The following FOSL2 variants were observed in gnomAD, a reference collection of about 807,000 sequenced individuals.
The protein encoded by FOSL2 is FOS like 2, AP-1 transcription factor subunit.
Under a neutral mutation model 27.7 loss-of-function variants are expected in FOSL2, and 3 were observed. The ratio of observed to expected loss-of-function variants is 0.11; its 90% CI spans 0.05 to 0.28. FOSL2 has a LOEUF of 0.28. FOSL2 is among the 10% of genes least tolerant of loss of function. The pLI is 1.00. For synonymous variants in FOSL2, 179 were observed against 190.1 expected (o/e 0.94, Z 0.48); for missense variants, 333 against 445.1 (o/e 0.75, Z 2.27).
rs1244623568 is a variant in FOSL2 at position 28,412,684 on chromosome 2, T to G, written c.*236T>G. 6 of 541,674 alleles carry G rather than the reference T, an allele frequency of 1.1e-5. No homozygotes were observed. The highest frequency in any genetic ancestry group is 3.3e-6 in the Non-Finnish European group (1 of 303,516). The allele number at this position is 541,674 out of a possible 1,614,324, so 33.6% of individuals were successfully genotyped here. A position where few individuals can be genotyped will look rare whatever the true frequency, so the allele number is the denominator to read the frequency against. ...ATTCATCTTGCAAGCAAATCCCATT[T>G]CTTGAAAAGCCTTGGAGAACTCGGT... is the stretch of plus-strand genomic sequence containing the variant. On this transcript the variant is annotated 3_prime_UTR_variant, in exon 4 of 4. Coordinates refer to ENST00000264716, the MANE Select transcript of FOSL2 (RefSeq NM_005253.4). This position sits in a 1 kb window ranked among gnomAD's most constrained non-coding sequence, Gnocchi z 7.1.
intron 1 of FOSL2, among the ~76,000 whole-genome samples, chr2:28,403,471 A>G (rs1664015184): frequency 6.6e-6 from 1 of 152,180 alleles, no homozygotes; most frequent in Admixed American, 6.5e-5. Flanking sequence ...AGGAGGGACA[A>G]GGACAGCAAG....
chr2:28,395,149 C>T (rs1361692715), intron 1 of FOSL2, among the ~76,000 whole-genome samples: 3 of 152,168 alleles, frequency 2.0e-5, no homozygotes, highest in Non-Finnish European at 4.4e-5. Context: ...ATGCACCCTT[C>T]GTAATGAGCA....
Position 28,393,918 on chromosome 2 carries a change from G to A in FOSL2, c.102+96G>A. ...TTTGCTTTCTTTTCTTTTTCTTGGC[G>A]AGAAAATACCTACGGGCCACCGTTG... On this transcript the variant is annotated intron_variant, in intron 1 of 3. Coordinates refer to ENST00000264716, the MANE Select transcript of FOSL2 (RefSeq NM_005253.4). The surrounding 1 kb of genome is among the most constrained non-coding windows in gnomAD (Gnocchi z 4.6). The A allele has an allele frequency of 2.3e-6, 2 of 879,680 alleles. No homozygotes were observed. Among genetic ancestry groups the A allele is most frequent in the Non-Finnish European group, 3.5e-6 (2 of 573,316 alleles). 54.5% of individuals were successfully genotyped at this position (879,680 alleles called of 1,614,324 possible). A position where few individuals can be genotyped will look rare whatever the true frequency, so the allele number is the denominator to read the frequency against.
chr2:28,409,748 T>C (rs961042758), intron 3 of FOSL2, among the ~76,000 whole-genome samples: 1 of 152,192 alleles, frequency 6.6e-6, no homozygotes, highest in African/African-American at 2.4e-5. Context: ...TTTGTTATTA[T>C]AATTTTTTTG....
intron 3 of FOSL2, among the ~76,000 whole-genome samples, chr2:28,411,386 C>A (rs1664195160): frequency 6.6e-6 from 1 of 152,038 alleles, no homozygotes; most frequent in African/African-American, 2.4e-5. Context: ...GTGGGTAGAG[C>A]TGTGTTCCGT....
At position 28,416,133 on chromosome 2, in the gene FOSL2, T is replaced by C. The variant is rs1196301955; in HGVS notation, c.*3685T>C. 1 of 152,106 alleles carries C rather than the reference T, an allele frequency of 6.6e-6. No individual in the cohort carries two copies. The highest frequency in any genetic ancestry group is 6.5e-5 in the Admixed American group (1 of 15,270). The allele number at this position is 152,106 out of a possible 1,614,324, so 9.4% of individuals were successfully genotyped here. A position where few individuals can be genotyped will look rare whatever the true frequency, so the allele number is the denominator to read the frequency against. ...TTATTGACAGGTTGGGCTGTGTGTGTGCGCATGTGTGTATACATTTCCAGG... is the reference window on the plus strand; with the variant it reads ...TTATTGACAGGTTGGGCTGTGTGTGCGCGCATGTGTGTATACATTTCCAGG... On this transcript the variant is annotated 3_prime_UTR_variant, in exon 4 of 4. Transcript: ENST00000264716.
In FOSL2 at chr2:28,412,317, T is replaced by G; in HGVS notation, c.850T>G (p.Tyr284Asp). The change falls in exon 4 of 4, where the codon TAT becomes GAT. Residue 284 changes from tyrosine (Y) to aspartate (D), a missense_variant. By Grantham distance (160) the Tyr-to-Asp change is radical. Around this residue, in one of 4 missense-constraint regions of FOSL2, gnomAD observed 26 missense variants for 59.3 expected, o/e 0.44. Coordinates refer to ENST00000264716, the MANE Select transcript of FOSL2 (RefSeq NM_005253.4). The surrounding 1 kb of genome is among the most constrained non-coding windows in gnomAD (Gnocchi z 7.1). ...GGGCACCTCGAACCTCGTCTTCACC[T>G]ATCCTAGCGTCCTGGAGCAGGAGTC... is the stretch of plus-strand genomic sequence containing the variant. The part of the protein sequence containing the change: ...TPGTSNLVFT[Y>D]PSVLEQESPA... The G allele has an allele frequency of 6.2e-7, 1 of 1,613,968 alleles. No individual in the cohort carries two copies. The highest frequency in any genetic ancestry group is 8.5e-7 in the Non-Finnish European group (1 of 1,179,992).
chr2:28,393,835 C>G lies in FOSL2; in HGVS notation c.102+13C>G, dbSNP rs1265647498. ...CGGCGGCCAGCAGGTAGGTGCGGGCCCCGGTGCACCTGGCGGCGCGGGCGG... is the reference window on the plus strand; with the variant it reads ...CGGCGGCCAGCAGGTAGGTGCGGGCGCCGGTGCACCTGGCGGCGCGGGCGG... On this transcript the variant is annotated intron_variant, in intron 1 of 3. Coordinates refer to ENST00000264716, the MANE Select transcript of FOSL2 (RefSeq NM_005253.4). The surrounding 1 kb of genome is among the most constrained non-coding windows in gnomAD (Gnocchi z 4.6). 7 of 1,569,836 alleles carry G rather than the reference C, an allele frequency of 4.5e-6. No individual in the cohort carries two copies. Among genetic ancestry groups the G allele is most frequent in the Non-Finnish European group, 5.2e-6 (6 of 1,154,584 alleles).
chr2:28,399,761 A>G (rs1663933777), intron 1 of FOSL2, among the ~76,000 whole-genome samples: 1 of 152,142 alleles, frequency 6.6e-6, no homozygotes, highest in South Asian at 2.1e-4. Context: ...ATGGGAGATG[A>G]GAATGAACCT....
At chr2:28,407,765 C>T (rs996011759) in intron 2 of FOSL2, among the ~76,000 whole-genome samples, 9 of 152,242 alleles carry the variant, frequency 5.9e-5, no homozygotes, top group Admixed American at 1.3e-4. Flanking sequence ...CTTTGGCCCA[C>T]AGCCGTCTCC....
chr2:28,397,790 G>A (rs1663885812), intron 1 of FOSL2, among the ~76,000 whole-genome samples: 1 of 152,194 alleles, frequency 6.6e-6, no homozygotes, highest in Non-Finnish European at 1.5e-5. Flanking sequence ...GACTCAGAAA[G>A]GTTTTGCAGT....
At chr2:28,399,243 A>G (rs1289931796) in intron 1 of FOSL2, among the ~76,000 whole-genome samples, 2 of 152,166 alleles carry the variant, frequency 1.3e-5, no homozygotes. Flanking sequence ...CCTGACTTCC[A>G]TCTCACATAC....
chr2:28,406,043 C>T (rs13405815), intron 2 of FOSL2, among the ~76,000 whole-genome samples: 1,540 of 44,110 alleles, frequency 0.035, 33 homozygotes, highest in African/African-American at 0.22. Flanking sequence ...CTCTCCATTC[C>T]CTTTTTTTTT....
intron 1 of FOSL2, among the ~76,000 whole-genome samples, chr2:28,395,141 G>C (rs1663787693): frequency 6.6e-6 from 1 of 152,210 alleles, no homozygotes; most frequent in Non-Finnish European, 1.5e-5. Context: ...TGCAGTCAAT[G>C]CACCCTTCGT....
In FOSL2 at chr2:28,404,203, A is replaced by G. The variant is rs761206290; in HGVS notation, c.199A>G (p.Thr67Ala). 1 of 1,614,204 alleles carries G rather than the reference A, an allele frequency of 6.2e-7. No homozygotes were observed. Among genetic ancestry groups the G allele is most frequent in the Non-Finnish European group, 8.5e-7 (1 of 1,180,022 alleles). The change falls in exon 2 of 4, where the codon ACA becomes GCA. Residue 67 changes from threonine to alanine, a missense_variant. Thr to Ala is a moderately conservative substitution (Grantham distance 58, BLOSUM62 0). Coordinates refer to ENST00000264716, the MANE Select transcript of FOSL2 (RefSeq NM_005253.4). The surrounding 1 kb of genome is among the most constrained non-coding windows in gnomAD (Gnocchi z 4.7). ...GGACCTGCAGTGGATGGTGCAGCCCACAGTGATCACCTCCATGTCCAACCC... is the reference window on the plus strand; with the variant it reads ...GGACCTGCAGTGGATGGTGCAGCCCGCAGTGATCACCTCCATGTCCAACCC... ...SQDLQWMVQPTVITSMSNPYP... is the reference protein window; with the variant it reads ...SQDLQWMVQPAVITSMSNPYP...
Position 28,412,209 on chromosome 2 carries a change from C to T in FOSL2, c.742C>T (p.Pro248Ser). ...LDKAQRSVIKPISIAGGFYGE... is the reference protein window; with the variant it reads ...LDKAQRSVIKSISIAGGFYGE... Reference sequence around the variant, plus strand: ...CAAGGCCCAGCGCTCTGTCATCAAGCCCATCAGCATTGCTGGGGGCTTCTA... The same window carrying T: ...CAAGGCCCAGCGCTCTGTCATCAAGTCCATCAGCATTGCTGGGGGCTTCTA... The change falls in exon 4 of 4, where the codon CCC (proline) becomes TCC (serine). Residue 248 changes from proline (P) to serine (S), a missense_variant. Transcript: ENST00000264716. This position sits in a 1 kb window ranked among gnomAD's most constrained non-coding sequence, Gnocchi z 7.1. 3 of 1,613,344 alleles carry T rather than the reference C, an allele frequency of 1.9e-6. No homozygotes were observed. Among genetic ancestry groups the T allele is most frequent in the Non-Finnish European group, 2.5e-6 (3 of 1,179,756 alleles).
rs1252912721 is a variant in FOSL2, at chr2:28,416,703, GT to G, written c.*4258del. ...GTTTATTCCATTTATTTTAGTTTGT[GT>G]TTACTTGATTTTGAGGAAGAAAATA... On this transcript the variant is annotated 3_prime_UTR_variant, in exon 4 of 4. Transcript: ENST00000264716. 1 of 151,756 alleles carries G rather than the reference GT, an allele frequency of 6.6e-6. No homozygotes were observed. The highest frequency in any genetic ancestry group is 1.5e-5 in the Non-Finnish European group (1 of 67,934). 9.4% of individuals were successfully genotyped at this position (151,756 alleles called of 1,614,324 possible). A position where few individuals can be genotyped will look rare whatever the true frequency, so the allele number is the denominator to read the frequency against.
chr2:28,409,479 G>A (rs1439706476), intron 3 of FOSL2, among the ~76,000 whole-genome samples: 5 of 152,146 alleles, frequency 3.3e-5, no homozygotes, highest in African/African-American at 1.2e-4. Flanking sequence ...TCACTCTCCC[G>A]TGCCGCCTAA....
At chr2:28,410,193 C>T (rs1664162858) in intron 3 of FOSL2, among the ~76,000 whole-genome samples, 1 of 152,184 alleles carries the variant, frequency 6.6e-6, no homozygotes, top group Non-Finnish European at 1.5e-5. Flanking sequence ...GTGTTAGAGC[C>T]GGGGAGGATG....
Sources: gnomAD v4.1 joint callset for allele counts (sites outside exome capture counted in the v4.1 genomes callset) on GRCh38, gnomAD v4.1.1 for gene constraint, gnomAD v4.1.1 regional missense constraint, Gnocchi (gnomAD v3.1) non-coding constraint, MANE v1.5 for transcripts, NCBI Gene and HGNC (gene_info 2026-07-23, HGNC 2026-07-21) for gene names.